The following FAP variants were observed in gnomAD, a reference collection of about 807,000 sequenced individuals.
FAP encodes the protein fibroblast activation protein alpha.
A neutral mutation model predicts 126.5 loss-of-function variants in FAP; 110 were observed. The observed-to-expected ratio is 0.87, with a 90% CI of 0.74 to 1.02. The LOEUF is 1.02. FAP is among the 50% of genes least tolerant of loss of function. FAP has a pLI of 0.00. For synonymous variants in FAP, 334 were observed against 297.3 expected, an observed-to-expected ratio of 1.12 and a Z score of -1.27; for missense variants, 919 against 909.2, an observed-to-expected ratio of 1.01 and a Z score of -0.14.
intron 14 of FAP, 72 bp downstream of exon 14, chr2:162,202,800 G>C: frequency 9.1e-7 from 1 of 1,097,332 alleles, no homozygotes; most frequent in Non-Finnish European, 1.4e-6. Context: ...AAGAGAGTTG[G>C]TACAGTATCA....
chr2:162,188,468 T>C, intron 19 of FAP, 105 bp from the exon 20 acceptor site: 2 of 970,578 alleles, frequency 2.1e-6, no homozygotes, highest in South Asian at 3.3e-5. Flanking sequence ...AATTATGTGA[T>C]AAAATAACAA....
Position 162,229,834 on chromosome 2 carries a change from G to A in FAP, c.92-3213C>T, listed in dbSNP as rs970161510. Among the ~76,000 whole-genome samples the A allele has an allele frequency of 3.5e-5, 5 of 144,540 alleles. No individual in the cohort carries two copies. In the South Asian group the frequency reaches 6.5e-4, roughly 19 times the overall value. 94.8% of individuals were successfully genotyped at this position (144,540 alleles called of 152,430 possible). A position where few individuals can be genotyped will look rare whatever the true frequency, so the allele number is the denominator to read the frequency against. On this transcript the variant is annotated intron_variant, in intron 2 of 25. Transcript: ENST00000188790. ...ATAGTAGCTATAAATGCCAACAATC[G>A]ATATAGAGAACGTAGCATATGACTC...
intron 12 of FAP, among the ~76,000 whole-genome samples, chr2:162,209,267 G>A (rs984799272): frequency 2.0e-5 from 3 of 151,912 alleles, no homozygotes; most frequent in Non-Finnish European, 4.4e-5. Context: ...ATGTGTTTGT[G>A]GTAAGTGGCA....
rs1687924860 is a variant in FAP at position 162,188,357 on chromosome 2, A to G, written c.1626T>C (p.Gly542=). The part of the protein sequence containing the change: ...KKYPLLIQVY[G]GPCSQSVRSV... The stretch of plus-strand genomic sequence containing the variant: ...ACCTTACACTCTGACTGCAGGGACC[A>G]CCATACCTAAAGGAAAAACAAAAAA... The change falls in exon 20 of 26, where the codon GGT becomes GGC. Residue 542 remains glycine, a synonymous_variant. Transcript: ENST00000188790. 1.2e-6 allele frequency: 2 copies of G among 1,610,794 alleles called. No individual in the cohort carries two copies. Among genetic ancestry groups the G allele is most frequent in the Non-Finnish European group, 1.7e-6 (2 of 1,178,572 alleles).
intron 9 of FAP, 26 bp from the exon 10 acceptor site, chr2:162,216,027 G>A (rs1689148916): frequency 6.5e-7 from 1 of 1,528,686 alleles, no homozygotes; most frequent in Non-Finnish European, 9.0e-7. Flanking sequence ...AGATATATAA[G>A]CTCATAAAAT....
In FAP at chr2:162,175,234, A is replaced by G. The variant is rs757295077; in HGVS notation, c.1870-268T>C. On this transcript the variant is annotated intron_variant, in intron 21 of 25. Transcript: ENST00000188790. Reference sequence around the variant, plus strand: ...ACATGGTAGGAGCAGTTTAAGAGATAGACAGAATTTCAATTTTCTTTTGCA... The same window carrying G: ...ACATGGTAGGAGCAGTTTAAGAGATGGACAGAATTTCAATTTTCTTTTGCA... 8 of 212,172 alleles carry G rather than the reference A, an allele frequency of 3.8e-5. 1 individual carries two copies. The highest frequency in any genetic ancestry group is 5.6e-5 in the Non-Finnish European group (6 of 107,450). 13.1% of individuals were successfully genotyped at this position (212,172 alleles called of 1,614,324 possible). A position where few individuals can be genotyped will look rare whatever the true frequency, so the allele number is the denominator to read the frequency against.
At position 162,198,830 on chromosome 2, in the gene FAP, T is replaced by G. The variant is rs760877586; in HGVS notation, c.1329A>C (p.Leu443=). ...TGTAATATTGGCACCTTTCTTTCCT[T>G]AGATGGCAAGTAACACACTTCTTGC... ...PPSKKCVTCH[L]RKERCQYYTA... Residue 443 remains leucine (L), a synonymous_variant, in exon 16 of 26, where the codon CTA becomes CTC. Coordinates refer to ENST00000188790, the MANE Select transcript of FAP (RefSeq NM_004460.5). 3.7e-6 allele frequency: 6 copies of G among 1,613,894 alleles called. No individual in the cohort carries two copies. The South Asian group carries it at 4.4e-5, about 12-fold the overall frequency.
intron 17 of FAP, among the ~76,000 whole-genome samples, chr2:162,192,280 T>A (rs1347589156): frequency 6.6e-6 from 1 of 152,136 alleles, no homozygotes; most frequent in East Asian, 1.9e-4. Flanking sequence ...ACCAAGCTAA[T>A]GTCAATCTCC....
In FAP at chr2:162,184,031, C is replaced by T. The variant is rs564041500; in HGVS notation, c.1815-563G>A. Among the ~76,000 whole-genome samples, 5 of 152,224 alleles carry T rather than the reference C, an allele frequency of 3.3e-5. No homozygotes were observed. In the South Asian group the frequency reaches 1.0e-3, roughly 32 times the overall value. On this transcript the variant is annotated intron_variant, in intron 20 of 25. Coordinates refer to ENST00000188790, the MANE Select transcript of FAP (RefSeq NM_004460.5). ...CCTTTTTAGCTCCATCACAGAAGAGCATCCATTTGAAAACTATTTTGAAAA... is the reference window on the plus strand; with the variant it reads ...CCTTTTTAGCTCCATCACAGAAGAGTATCCATTTGAAAACTATTTTGAAAA...
intron 22 of FAP, among the ~76,000 whole-genome samples, chr2:162,174,485 A>G (rs1342713315): frequency 6.6e-6 from 1 of 152,174 alleles, no homozygotes; most frequent in Non-Finnish European, 1.5e-5. Context: ...GGCAATTGCT[A>G]ACTGTGGCGT....
intron 24 of FAP, 28 bp from the exon 25 acceptor site, chr2:162,172,912 T>C (rs761225208): frequency 1.3e-6 from 2 of 1,540,824 alleles, no homozygotes; most frequent in Non-Finnish European, 1.8e-6. Context: ...AGAGTTAAAG[T>C]GCTGCTAAAT....
intron 2 of FAP, among the ~76,000 whole-genome samples, chr2:162,230,178 C>T (rs910041855): frequency 3.3e-5 from 5 of 152,162 alleles, no homozygotes; most frequent in Non-Finnish European, 7.4e-5. Flanking sequence ...GCATTCTTCT[C>T]TTCCTGCTAA....
intron 2 of FAP, among the ~76,000 whole-genome samples, chr2:162,238,039 G>A (rs1215268332): frequency 6.6e-6 from 1 of 150,668 alleles, no homozygotes; most frequent in African/African-American, 2.4e-5. Flanking sequence ...ACTTTTTGAT[G>A]GGATTGTTTT....
At chr2:162,207,166 A>T (rs1376723595) in intron 12 of FAP, among the ~76,000 whole-genome samples, 1 of 152,196 alleles carries the variant, frequency 6.6e-6, no homozygotes, top group African/African-American at 2.4e-5. Flanking sequence ...GAAGCTATTA[A>T]ATATACAATA....
rs1474672389 is a variant in FAP, at chr2:162,170,828, G to A, written c.*151C>T. 8.5e-6 allele frequency: 5 copies of A among 587,476 alleles called. No homozygotes were observed. The East Asian group carries it at 1.4e-4, about 17-fold the overall frequency. The allele number at this position is 587,476 out of a possible 1,614,324, so 36.4% of individuals were successfully genotyped here. ...AACAATATTTAGCTTGAACTTCTGA[G>A]TCCTCATCTTTTTTTTAACAGCCTT... On this transcript the variant is annotated 3_prime_UTR_variant, in exon 26 of 26. Transcript: ENST00000188790.
chr2:162,242,936 C>T lies in FAP; in HGVS notation c.63G>A (p.Val21=), dbSNP rs1016667578. The T allele has an allele frequency of 2.7e-5, 44 of 1,613,020 alleles. No individual in the cohort carries two copies. Among genetic ancestry groups the T allele is most frequent in the Non-Finnish European group, 3.6e-5 (42 of 1,179,466 alleles). The change falls in exon 2 of 26, where the codon GTG becomes GTA. Residue 21 remains valine (V), a synonymous_variant. Coordinates refer to ENST00000188790, the MANE Select transcript of FAP (RefSeq NM_004460.5). ...TTGAAGGGCGTAAGACAATGCACATCACCAATAAGGCAAGCACAGCAGAGG... is the reference window on the plus strand; with the variant it reads ...TTGAAGGGCGTAAGACAATGCACATTACCAATAAGGCAAGCACAGCAGAGG... ...VATSAVLALL[V]MCIVLRPSRV...
chr2:162,189,077 T>C, intron 19 of FAP, 26 bp downstream of exon 19: 1 of 1,460,784 alleles, frequency 6.8e-7, no homozygotes, highest in Non-Finnish European at 9.5e-7. Context: ...GTAAATAGTT[T>C]TTACACCAAA....
At chr2:162,201,837 T>C (rs1419302514) in intron 14 of FAP, among the ~76,000 whole-genome samples, 1 of 152,182 alleles carries the variant, frequency 6.6e-6, no homozygotes, top group Non-Finnish European at 1.5e-5. Flanking sequence ...TCAGGCCTCT[T>C]ATGACCAGAG....
intron 21 of FAP, among the ~76,000 whole-genome samples, chr2:162,181,273 T>C (rs1208617571): frequency 6.6e-6 from 1 of 151,342 alleles, no homozygotes; most frequent in Non-Finnish European, 1.5e-5. Flanking sequence ...AGCAATTCTG[T>C]CTCAAAAAAG....
Sources: allele counts gnomAD v4.1 joint callset (sites outside exome capture counted in the v4.1 genomes callset), GRCh38; gene constraint gnomAD v4.1.1; transcripts MANE v1.5; gene names NCBI Gene and HGNC (gene_info 2026-07-23, HGNC 2026-07-21).